The following RP1 variants were observed in gnomAD, a reference collection of about 807,000 sequenced individuals.
RP1 encodes RP1 axonemal microtubule associated.
In RP1, 16 loss-of-function variants were observed where a neutral mutation model predicts 14.8. That is an observed-to-expected ratio of 1.08 (90% CI 0.73 to 1.65). The LOEUF (loss-of-function observed/expected upper bound fraction) is 1.65. Among genes scored for constraint, RP1 ranks in the 40% most tolerant of loss-of-function variants. The pLI, the probability that RP1 is intolerant of heterozygous loss-of-function variation, is 0.00. For missense variants in RP1, 2,631 were observed against 2,535.0 expected (o/e 1.04, Z -0.81); for synonymous variants, 876 against 883.6 (o/e 0.99, Z 0.15).
At chr8:54,773,494 G>T (rs1287527374), downstream of RP1, among the ~76,000 whole-genome samples, 2 of 152,002 alleles carry the variant, frequency 1.3e-5, no homozygotes, top group Non-Finnish European at 2.9e-5. Context: ...ATAATTAGCT[G>T]AGTGTGGTAG....
At chr8:54,687,275 A>G (rs185205867) in intron 12 of RP1, among the ~76,000 whole-genome samples, 1 of 152,218 alleles carries the variant, frequency 6.6e-6, no homozygotes, top group East Asian at 1.9e-4. Flanking sequence ...AGTCACAGGC[A>G]GAGTGGACAT....
intron 1 of RP1, among the ~76,000 whole-genome samples, chr8:54,587,026 C>G (rs976949190): frequency 6.6e-6 from 1 of 152,346 alleles, no homozygotes; most frequent in Non-Finnish European, 1.5e-5. Flanking sequence ...TGACACTCCC[C>G]AGTGAGATGA....
intron 24 of RP1, among the ~76,000 whole-genome samples, chr8:54,791,923 G>A (rs991922434): frequency 6.6e-6 from 1 of 151,896 alleles, no homozygotes; most frequent in Non-Finnish European, 1.5e-5. Flanking sequence ...GCATTTGAAT[G>A]GATTAAAAAA....
chr8:54,652,394 T>C (rs922741449), intron 4 of RP1, among the ~76,000 whole-genome samples: 1 of 152,238 alleles, frequency 6.6e-6, no homozygotes, highest in Admixed American at 6.5e-5. Flanking sequence ...GCATTACATA[T>C]GTTCTATCCT....
chr8:54,706,153 G>T (rs1012151929), intron 14 of RP1, among the ~76,000 whole-genome samples: 1 of 151,902 alleles, frequency 6.6e-6, no homozygotes, highest in African/African-American at 2.4e-5. Context: ...TTTGTTTAAG[G>T]TGATAGTAAA....
At chr8:54,663,355 G>A (rs1292609278) in intron 6 of RP1, among the ~76,000 whole-genome samples, 1 of 151,982 alleles carries the variant, frequency 6.6e-6, no homozygotes, top group Non-Finnish European at 1.5e-5. Flanking sequence ...GAAAGTTATT[G>A]AATTGATATG....
At chr8:54,622,047 G>T in intron 2 of RP1, 70 bp from the exon 3 acceptor site, 1 of 1,517,260 alleles carries the variant, frequency 6.6e-7, no homozygotes. Context: ...TTTGATTCAA[G>T]CAAAGTTATA....
Position 54,628,067 on chromosome 8 carries a change from T to G in RP1, c.4185T>G (p.Asn1395Lys). 6.2e-7 allele frequency: 1 copy of G among 1,614,072 alleles called. No individual in the cohort carries two copies. Among genetic ancestry groups the G allele is most frequent in the South Asian group, 1.1e-5 (1 of 91,088 alleles). Residue 1395 changes from asparagine to lysine, a missense_variant, in exon 4 of 4, where the codon AAT becomes AAG. By Grantham distance (94) the Asn-to-Lys change is moderately conservative. Coordinates refer to ENST00000220676, the MANE Select transcript of RP1 (RefSeq NM_006269.2). ...NTLVSHQNVS[N>K]LSSCGLCLSE... ...TGGTGTCACATCAAAATGTCAGTAA[T>G]TTAAGCTCCTGTGGCCTTTGCCTAA...
chr8:54,631,644 G>A (rs1435142792), downstream of RP1, among the ~76,000 whole-genome samples: 1 of 151,048 alleles, frequency 6.6e-6, no homozygotes, highest in Non-Finnish European at 1.5e-5. Context: ...AGTTCTTTGT[G>A]CTTGAAAATC....
At chr8:54,834,911 T>C (rs1023215894) in intron 24 of RP1, among the ~76,000 whole-genome samples, 1 of 152,170 alleles carries the variant, frequency 6.6e-6, no homozygotes. Context: ...ACAAAGCTAA[T>C]TGGTGTTCCA....
At chr8:54,755,832 A>G (rs938610976) in intron 21 of RP1, 57 of 1,368,194 alleles carry the variant, frequency 4.2e-5, no homozygotes, top group Non-Finnish European at 5.3e-5. Flanking sequence ...GCCACATATG[A>G]TTTAAAATTT....
intron 27 of RP1, among the ~76,000 whole-genome samples, chr8:54,863,687 T>A (rs1232272121): frequency 6.6e-6 from 1 of 152,228 alleles, no homozygotes; most frequent in African/African-American, 2.4e-5. Context: ...ATGGAATCTA[T>A]ATGCACAAAT....
chr8:54,605,289 G>T (rs1161993223), intron 1 of RP1, among the ~76,000 whole-genome samples: 1 of 152,124 alleles, frequency 6.6e-6, no homozygotes, highest in Non-Finnish European at 1.5e-5. Flanking sequence ...CCTTCATTTC[G>T]TTATGCACCC....
downstream of RP1, chr8:54,770,315 C>G (rs1809870352): frequency 2.5e-6 from 1 of 392,902 alleles, no homozygotes; most frequent in Non-Finnish European, 4.5e-6. Context: ...ACGGAATAAG[C>G]ATTATAGTTG....
At chr8:54,859,054 G>A (rs1344492791) in intron 27 of RP1, among the ~76,000 whole-genome samples, 3 of 151,840 alleles carry the variant, frequency 2.0e-5, no homozygotes, top group African/African-American at 7.3e-5. Flanking sequence ...TCACCATAGA[G>A]CAGCTCACTG....
At position 54,794,426 on chromosome 8, in the gene RP1, CGTTTGTCAATATTTGACAAT is replaced by C. The variant is rs139982382; in HGVS notation, c.3615+10736_3615+10755del. Among the ~76,000 whole-genome samples the C allele has an allele frequency of 1.3e-3, 195 of 150,874 alleles. 1 individual carries two copies. Among genetic ancestry groups the C allele is most frequent in the African/African-American group, 4.3e-3 (179 of 41,282 alleles). On this transcript the variant is annotated intron_variant, in intron 24 of 28. Coordinates refer to the RP1 transcript ENST00000637698. ...AGAAATAAACGCATGCATATACGAC[CGTTTGTCAATATTTGACAAT>C]GTTTGTCAATATTTGACAAGGGCAC...
At chr8:54,842,910 C>T (rs1811819720) in intron 25 of RP1, among the ~76,000 whole-genome samples, 1 of 152,172 alleles carries the variant, frequency 6.6e-6, no homozygotes, top group South Asian at 2.1e-4. Context: ...CAGGCCTCTG[C>T]ATGGTCAGCT....
In RP1 at chr8:54,627,933, A is replaced by C; in HGVS notation, c.4051A>C (p.Thr1351Pro). 1 of 1,614,162 alleles carries C rather than the reference A, an allele frequency of 6.2e-7. No homozygotes were observed. The highest frequency in any genetic ancestry group is 1.1e-5 in the South Asian group (1 of 91,080). ...TIDFLNSKEN[T>P]YTDNLDSTEE... ...TGACTTTTTAAACTCCAAAGAAAAC[A>C]CATATACTGATAACTTGGATTCAAC... The change falls in exon 4 of 4, where the codon ACA (threonine) becomes CCA (proline). Residue 1351 changes from threonine to proline, a missense_variant. By Grantham distance (38) the Thr-to-Pro change is conservative (BLOSUM62 -1). Coordinates refer to ENST00000220676, the MANE Select transcript of RP1 (RefSeq NM_006269.2).
chr8:54,586,676 A>C (rs1804933111), intron 1 of RP1, among the ~76,000 whole-genome samples: 1 of 151,710 alleles, frequency 6.6e-6, no homozygotes, highest in Non-Finnish European at 1.5e-5. Flanking sequence ...TTTTTTACCT[A>C]CTCAAGCCTT....
Sources: allele counts gnomAD v4.1 joint callset (sites outside exome capture counted in the v4.1 genomes callset), GRCh38; gene constraint gnomAD v4.1.1; transcripts MANE v1.5; gene names NCBI Gene and HGNC (gene_info 2026-07-23, HGNC 2026-07-21).